DOCK11: variants seen among roughly 807,000 people sequenced by gnomAD.
The protein encoded by DOCK11 is dedicator of cytokinesis protein 11.
Under a neutral mutation model 169.1 loss-of-function variants are expected in DOCK11, and 70 were observed. The ratio of observed to expected loss-of-function variants is 0.41; its 90% CI spans 0.34 to 0.51. The LOEUF (loss-of-function observed/expected upper bound fraction) is 0.51, where lower values mean the gene tolerates loss of function less well. DOCK11 is among the 20% of genes least tolerant of loss of function. DOCK11 has a pLI of 0.10. For missense variants in DOCK11, 1,166 were observed against 1,538.8 expected, an observed-to-expected ratio of 0.76 and a Z score of 4.05; for synonymous variants, 529 against 541.3, an observed-to-expected ratio of 0.98 and a Z score of 0.32.
Position 118,681,760 on chromosome X carries a change from C to G in DOCK11, c.5929C>G (p.Pro1977Ala). Residue 1977 changes from proline (P) to alanine (A), a missense_variant, in exon 51 of 53, where the codon CCT becomes GCT. Transcript: ENST00000276202. ...LNDSQASKYP[P>A]KKVSELKDMF... ...TGACAGCCAAGCTAGCAAGTATCCA[C>G]CTAAGAAAGTGAGTGAGTTGAAAGA... 8.3e-7 allele frequency: 1 copy of G among 1,205,254 alleles called. No homozygotes were observed. The highest frequency in any genetic ancestry group is 1.1e-6 in the Non-Finnish European group (1 of 892,377).
At chrX:118,560,273 C>T (rs1231134714) in intron 6 of DOCK11, among the ~76,000 whole-genome samples, 3 of 111,358 alleles carry the variant, frequency 2.7e-5, no homozygotes, top group Non-Finnish European at 5.7e-5. Flanking sequence ...GGTACTTTGC[C>T]AGACGTTAAG....
At position 118,610,171 on chromosome X, in the gene DOCK11, T is replaced by G. The variant is rs1302612677; in HGVS notation, c.2950-101T>G. On this transcript the variant is annotated intron_variant, in intron 27 of 52. Coordinates refer to ENST00000276202, the MANE Select transcript of DOCK11 (RefSeq NM_144658.4). ...GTTGGGAGAACAATTATACATCAGTTTTAAGATATATTTATTTGTAGAATG... is the reference window on the plus strand; with the variant it reads ...GTTGGGAGAACAATTATACATCAGTGTTAAGATATATTTATTTGTAGAATG... The G allele has an allele frequency of 1.2e-5, 10 of 853,822 alleles. No individual in the cohort carries two copies. In the African/African-American group the frequency reaches 2.0e-4, roughly 17 times the overall value. 70.4% of individuals were successfully genotyped at this position (853,822 alleles called of 1,213,427 possible).
At chrX:118,595,453 C>T (rs1415976686) in intron 20 of DOCK11, among the ~76,000 whole-genome samples, 1 of 111,516 alleles carries the variant, frequency 9.0e-6, no homozygotes, top group African/African-American at 3.3e-5. Context: ...ACCCAGCAGG[C>T]AGCAGGACTG....
intron 1 of DOCK11, among the ~76,000 whole-genome samples, chrX:118,505,266 A>G (rs769655540): frequency 2.2e-4 from 25 of 112,101 alleles, no homozygotes; most frequent in Non-Finnish European, 4.5e-4. Context: ...ACCTCAAATG[A>G]TCCGCCTGCC....
Position 118,685,793 on chromosome X carries a change from T to TA in DOCK11, c.6209dup (p.Tyr2070Ter). ...SSDRGYGSPR[Y>*]AEV is the part of the protein sequence containing the mutation. ...TGACCGAGGTTATGGTTCCCCAAGA[T>TA]ACGCTGAAGTGTGAGGAAATGCAGA... is the stretch of plus-strand genomic sequence containing the variant. Residue 2070 changes from tyrosine to a stop codon, truncating the protein, a stop_gained and frameshift_variant, in exon 53 of 53, where the codon TAC becomes TAAC. Coordinates refer to ENST00000276202, the MANE Select transcript of DOCK11 (RefSeq NM_144658.4). LOFTEE classifies it high-confidence loss of function. 1 of 1,211,484 alleles carries TA rather than the reference T, an allele frequency of 8.3e-7. No homozygotes were observed. Among genetic ancestry groups the TA allele is most frequent in the Non-Finnish European group, 1.1e-6 (1 of 895,345 alleles).
chrX:118,612,917 G>A, intron 28 of DOCK11, among the ~76,000 whole-genome samples: 1 of 111,964 alleles, frequency 8.9e-6, no homozygotes, highest in East Asian at 2.8e-4. Context: ...CCAAATACTT[G>A]GGAGGATACT....
At chrX:118,561,307 G>A in intron 6 of DOCK11, 76 bp from the exon 7 acceptor site, 3 of 1,000,494 alleles carry the variant, frequency 3.0e-6, no homozygotes, top group Non-Finnish European at 3.9e-6. Flanking sequence ...AGCTTTTGAG[G>A]TTTTTAGTTC....
chrX:118,589,215 A>G (rs1198610958), intron 18 of DOCK11, among the ~76,000 whole-genome samples: 2 of 108,341 alleles, frequency 1.8e-5, no homozygotes, highest in Non-Finnish European at 3.8e-5. Flanking sequence ...CTTTGAAAAG[A>G]GATTTTTTTT....
chrX:118,556,375 C>T (rs2012693622), intron 6 of DOCK11, among the ~76,000 whole-genome samples: 1 of 109,483 alleles, frequency 9.1e-6, no homozygotes, highest in Non-Finnish European at 1.9e-5. Context: ...CTAAGTGCTC[C>T]AACTTTCCTT....
In DOCK11 at chrX:118,533,593, G is replaced by A. The variant is rs750842686; in HGVS notation, c.103-9132G>A. On this transcript the variant is annotated intron_variant, in intron 1 of 52. Transcript: ENST00000276202. ...TTATAGATTACTGAGCTTCTCTAATGGAGTAAGTTTATGCTACTGTGTTCA... is the reference window on the plus strand; with the variant it reads ...TTATAGATTACTGAGCTTCTCTAATAGAGTAAGTTTATGCTACTGTGTTCA... Among the ~76,000 whole-genome samples, 5 of 111,971 alleles carry A rather than the reference G, an allele frequency of 4.5e-5. 1 individual carries two copies. Among genetic ancestry groups the A allele is most frequent in the Admixed American group, 1.9e-4 (2 of 10,562 alleles).
chrX:118,538,309 G>T, intron 1 of DOCK11, among the ~76,000 whole-genome samples: 1 of 111,828 alleles, frequency 8.9e-6, no homozygotes, highest in Non-Finnish European at 1.9e-5. Context: ...GTTTCCTGAT[G>T]GATAAAGTTG....
At chrX:118,587,220 A>G (rs190041082) in intron 16 of DOCK11, among the ~76,000 whole-genome samples, 2 of 112,241 alleles carry the variant, frequency 1.8e-5, no homozygotes, top group Admixed American at 1.9e-4. Flanking sequence ...GAGACATCAG[A>G]TAAATGTCGA....
intron 21 of DOCK11, among the ~76,000 whole-genome samples, chrX:118,597,804 TTAAG>T (rs1251970775): frequency 4.5e-5 from 5 of 111,857 alleles, no homozygotes; most frequent in Admixed American, 9.5e-5. Context: ...AAAAAATTAT[TTAAG>T]TAATTCATTT....
Position 118,624,638 on chromosome X carries a change from G to T in DOCK11, c.3571G>T (p.Ala1191Ser), listed in dbSNP as rs34806074. 225 of 1,190,565 alleles carry T rather than the reference G, an allele frequency of 1.9e-4. No individual in the cohort carries two copies. The African/African-American group carries it at 3.7e-3, about 19-fold the overall frequency. Residue 1191 changes from alanine to serine, a missense_variant, in exon 32 of 53, where the codon GCA becomes TCA. Physicochemically the swap from Ala to Ser is moderately conservative, Grantham distance 99. Transcript: ENST00000276202. ...AGGTCGAGATACCTTGTATTCTTGT[G>T]CAGCCATGCCTAATTCTGTAAGTAG... is the stretch of plus-strand genomic sequence containing the variant. ...LAGRDTLYSCAAMPNSASRDE... is the reference protein window; with the variant it reads ...LAGRDTLYSCSAMPNSASRDE...
chrX:118,654,848 C>T, intron 43 of DOCK11, 31 bp downstream of exon 43: 2 of 1,204,223 alleles, frequency 1.7e-6, no homozygotes, highest in South Asian at 1.8e-5. Context: ...TCTAAACAGC[C>T]CTTCAAAACA....
intron 45 of DOCK11, among the ~76,000 whole-genome samples, chrX:118,666,882 G>A (rs1469006420): frequency 9.0e-6 from 1 of 111,717 alleles, no homozygotes; most frequent in African/African-American, 3.3e-5. Context: ...ATCTGATATT[G>A]CTGATCTTTT....
intron 39 of DOCK11, among the ~76,000 whole-genome samples, chrX:118,641,531 C>A (rs762691411): frequency 3.6e-5 from 4 of 111,609 alleles, no homozygotes; most frequent in African/African-American, 1.3e-4. Context: ...AAGCTCTCTT[C>A]TACCTCTTAA....
In DOCK11 at chrX:118,628,238, C is replaced by G; in HGVS notation, c.3740C>G (p.Thr1247Arg). 1 of 1,202,054 alleles carries G rather than the reference C, an allele frequency of 8.3e-7. No homozygotes were observed. Among genetic ancestry groups the G allele is most frequent in the Non-Finnish European group, 1.1e-6 (1 of 887,499 alleles). Reference protein sequence around the residue: ...SRGSLIPEGATGFPDQGNTGE... With the variant: ...SRGSLIPEGARGFPDQGNTGE... ...GGTTCCCTCATCCCAGAAGGAGCAA[C>G]AGGATTTCCAGATCAGGGCAACACT... The change falls in exon 34 of 53, where the codon ACA (threonine) becomes AGA (arginine). Residue 1247 changes from threonine (T) to arginine (R), a missense_variant. Transcript: ENST00000276202.
Position 118,584,768 on chromosome X carries a change from T to G in DOCK11, c.1629T>G (p.Asp543Glu). ...TCAAAGATACTCAAGGCTCTCTTGA[T>G]CTGGATGGGAGATTTTCTCCTCTGT... is the stretch of plus-strand genomic sequence containing the variant. ...PIFKDTQGSLDLDGRFSPLYK... is the reference protein window; with the variant it reads ...PIFKDTQGSLELDGRFSPLYK... The change falls in exon 15 of 53, where the codon GAT (aspartate) becomes GAG (glutamate). Residue 543 changes from aspartate to glutamate, a missense_variant. Transcript: ENST00000276202. 9 of 1,190,486 alleles carry G rather than the reference T, an allele frequency of 7.6e-6. No individual in the cohort carries two copies. The highest frequency in any genetic ancestry group is 9.0e-6 in the Non-Finnish European group (8 of 884,916).
Sources: allele counts gnomAD v4.1 joint callset (sites outside exome capture counted in the v4.1 genomes callset), GRCh38; gene constraint gnomAD v4.1.1; transcripts MANE v1.5; gene names NCBI Gene and HGNC (gene_info 2026-07-23, HGNC 2026-07-21).